RLF: variants seen among roughly 807,000 people sequenced by gnomAD.
RLF encodes zinc finger protein Rlf.
A neutral mutation model predicts 162.9 loss-of-function variants in RLF; 7 were observed. That is an observed-to-expected ratio of 0.04 (90% CI 0.02 to 0.08). The LOEUF is 0.08. Among genes scored for constraint, RLF ranks in the 10% least tolerant of loss-of-function variants. The pLI, the probability that RLF is intolerant of heterozygous loss-of-function variation, is 1.00. For synonymous variants in RLF, 782 were observed against 791.5 expected, an observed-to-expected ratio of 0.99 and a Z score of 0.20; for missense variants, 1,664 against 2,244.7, an observed-to-expected ratio of 0.74 and a Z score of 5.23.
chr1:40,196,886 A>G (rs1642645331), intron 4 of RLF, among the ~76,000 whole-genome samples: 1 of 152,232 alleles, frequency 6.6e-6, no homozygotes, highest in African/African-American at 2.4e-5. Context: ...TTAGATCACA[A>G]AAGTATCTTC....
In RLF at chr1:40,239,179, G is replaced by C; in HGVS notation, c.4477G>C (p.Val1493Leu). The C allele has an allele frequency of 6.2e-7, 1 of 1,614,078 alleles. No individual in the cohort carries two copies. The highest frequency in any genetic ancestry group is 8.5e-7 in the Non-Finnish European group (1 of 1,180,018). ...ANERLLRSEK[V>L]CQTADTQGHE... is the part of the protein sequence containing the mutation. ...TGAGAGACTACTAAGGAGTGAAAAG[G>C]TATGTCAAACAGCTGATACTCAGGG... The change falls in exon 8 of 8, where the codon GTA becomes CTA. Residue 1493 changes from valine (V) to leucine (L), a missense_variant. Physicochemically the swap from Val to Leu is conservative, Grantham distance 32. This residue lies in a region of RLF where 200 missense variants were observed against 207.3 expected (regional missense o/e 0.96). Coordinates refer to ENST00000372771, the MANE Select transcript of RLF (RefSeq NM_012421.4).
At chr1:40,225,595 A>T (rs1440005752) in intron 6 of RLF, among the ~76,000 whole-genome samples, 1 of 135,882 alleles carries the variant, frequency 7.4e-6, no homozygotes, top group East Asian at 2.1e-4. Flanking sequence ...AAAAAAAAAA[A>T]GCCGGGCGCG....
chr1:40,221,063 A>G (rs1250119100), intron 5 of RLF, among the ~76,000 whole-genome samples: 3 of 151,808 alleles, frequency 2.0e-5, no homozygotes, highest in Non-Finnish European at 4.4e-5. Flanking sequence ...GCCCAGAAGT[A>G]TGGAAACTTC....
chr1:40,205,828 G>A (rs189135533), intron 5 of RLF, among the ~76,000 whole-genome samples: 2 of 152,024 alleles, frequency 1.3e-5, no homozygotes, highest in Admixed American at 6.5e-5. Context: ...TATGACCTTT[G>A]CCCCTGGCAG....
intron 5 of RLF, among the ~76,000 whole-genome samples, chr1:40,211,201 T>C (rs567812941): frequency 3.9e-5 from 6 of 152,222 alleles, no homozygotes; most frequent in Non-Finnish European, 8.8e-5. Context: ...AAGAATTAAA[T>C]TTTCCAGTCT....
chr1:40,231,110 C>CTA (rs77968743), intron 6 of RLF, among the ~76,000 whole-genome samples: 7,906 of 152,080 alleles, frequency 0.052, 594 homozygotes, highest in African/African-American at 0.17. Flanking sequence ...ATTAGAGTGT[C>CTA]TTTGTTGTAT....
intron 6 of RLF, 94 bp from the exon 7 acceptor site, chr1:40,231,423 C>T: frequency 9.5e-7 from 1 of 1,051,256 alleles, no homozygotes; most frequent in Non-Finnish European, 1.4e-6. Flanking sequence ...TCTCTACTGT[C>T]AGCTTTCTAC....
intron 4 of RLF, among the ~76,000 whole-genome samples, chr1:40,201,454 G>A (rs545399262): frequency 4.7e-4 from 71 of 151,746 alleles, no homozygotes; most frequent in Middle Eastern, 3.4e-3. Context: ...GTGAAACCCC[G>A]TCTCTACTAA....
At chr1:40,206,183 GT>G (rs1250660108) in intron 5 of RLF, among the ~76,000 whole-genome samples, 2 of 151,854 alleles carry the variant, frequency 1.3e-5, no homozygotes, top group South Asian at 2.1e-4. Context: ...TTTTATGAGG[GT>G]TTTTTTTAGT....
At chr1:40,204,267 G>T (rs543105833) in intron 5 of RLF, among the ~76,000 whole-genome samples, 1 of 151,770 alleles carries the variant, frequency 6.6e-6, no homozygotes, top group Non-Finnish European at 1.5e-5. Context: ...CACACGCCTC[G>T]GCCTCCCAAA....
intron 1 of RLF, among the ~76,000 whole-genome samples, chr1:40,179,546 CT>C (rs35301710): frequency 0.26 from 37,528 of 143,192 alleles, 4,713 homozygotes; most frequent in African/African-American, 0.32. Flanking sequence ...AAAGTTAACT[CT>C]TTTTTTTTTT....
chr1:40,185,413 A>T (rs1642461412), intron 1 of RLF, among the ~76,000 whole-genome samples: 1 of 142,120 alleles, frequency 7.0e-6, no homozygotes, highest in Admixed American at 7.2e-5. Flanking sequence ...TACAGGCGTG[A>T]GCCACCTTGC....
intron 7 of RLF, among the ~76,000 whole-genome samples, chr1:40,232,849 C>T (rs1459938226): frequency 6.6e-5 from 10 of 152,084 alleles, no homozygotes; most frequent in Admixed American, 5.9e-4. Context: ...AGATTGCAGG[C>T]GTGTGCCACT....
chr1:40,208,703 G>A (rs1642828409), intron 5 of RLF, among the ~76,000 whole-genome samples: 1 of 152,084 alleles, frequency 6.6e-6, no homozygotes, highest in South Asian at 2.1e-4. Context: ...CGTAGTCCCA[G>A]CTACTCGGGA....
chr1:40,209,391 AAC>A lies in RLF; in HGVS notation c.810+6781_810+6782del, dbSNP rs149269354. On this transcript the variant is annotated intron_variant, in intron 5 of 7. Coordinates refer to ENST00000372771, the MANE Select transcript of RLF (RefSeq NM_012421.4). ...AAATGTGATAATATCTAAAGCACTT[AAC>A]ACAGTTCTTGGCATATTTTAGACAC... 3.6e-3 allele frequency among the ~76,000 whole-genome samples: 555 copies of A among 152,334 alleles called. 12 individuals are homozygous for A. Among genetic ancestry groups the A allele is most frequent in the East Asian group, 0.032 (164 of 5,188 alleles).
At chr1:40,219,024 ACT>A (rs1409629166) in intron 5 of RLF, among the ~76,000 whole-genome samples, 1 of 151,944 alleles carries the variant, frequency 6.6e-6, no homozygotes, top group Non-Finnish European at 1.5e-5. Context: ...ACTCATTAAA[ACT>A]CTCAAAAGTT....
At position 40,237,296 on chromosome 1, in the gene RLF, A is replaced by G; in HGVS notation, c.2594A>G (p.His865Arg). The G allele has an allele frequency of 6.2e-7, 1 of 1,614,112 alleles. No homozygotes were observed. ...PHLLNQTDKS[H>R]LPEDLFCAES... ...CTACTTAACCAAACTGATAAATCAC[A>G]TTTACCTGAAGATCTTTTCTGTGCA... Residue 865 changes from histidine (H) to arginine (R), a missense_variant, in exon 8 of 8, where the codon CAT becomes CGT. His to Arg is a conservative substitution (Grantham distance 29). Coordinates refer to ENST00000372771, the MANE Select transcript of RLF (RefSeq NM_012421.4). This position sits in a 1 kb window ranked among gnomAD's most constrained non-coding sequence, Gnocchi z 4.4.
Position 40,240,575 on chromosome 1 carries a change from A to AT in RLF, c.*129dup. On this transcript the variant is annotated 3_prime_UTR_variant, in exon 8 of 8. Transcript: ENST00000372771. ...TAGAATAGGCTGTGTATTTACATGA[A>AT]TGTATAATATCTATGTCAGCAGTAT... 1 of 658,292 alleles carries AT rather than the reference A, an allele frequency of 1.5e-6. No homozygotes were observed. Among genetic ancestry groups the AT allele is most frequent in the Non-Finnish European group, 2.7e-6 (1 of 375,584 alleles). 40.8% of individuals were successfully genotyped at this position (658,292 alleles called of 1,614,324 possible).
At chr1:40,169,784 C>G (rs1263844109) in intron 1 of RLF, among the ~76,000 whole-genome samples, 1 of 150,678 alleles carries the variant, frequency 6.6e-6, no homozygotes, top group East Asian at 2.0e-4. Flanking sequence ...CCTCCGCCTC[C>G]CGGGTTCAAG....
Sources: gnomAD v4.1 joint callset for allele counts (sites outside exome capture counted in the v4.1 genomes callset) on GRCh38, gnomAD v4.1.1 for gene constraint, gnomAD v4.1.1 regional missense constraint, Gnocchi (gnomAD v3.1) non-coding constraint, MANE v1.5 for transcripts, NCBI Gene and HGNC (gene_info 2026-07-23, HGNC 2026-07-21) for gene names.